The following RIMS1 variants were observed in gnomAD, a reference collection of about 807,000 sequenced individuals.
The protein encoded by RIMS1 is regulating synaptic membrane exocytosis protein 1.
Under a neutral mutation model 214.1 loss-of-function variants are expected in RIMS1, and 83 were observed. The observed-to-expected ratio is 0.39, with a 90% CI of 0.32 to 0.47. The LOEUF (loss-of-function observed/expected upper bound fraction) is 0.47, where lower values mean the gene tolerates loss of function less well. Among genes scored for constraint, RIMS1 ranks in the 20% least tolerant of loss-of-function variants. The pLI is 0.99. For synonymous variants in RIMS1, 793 were observed against 786.8 expected, an observed-to-expected ratio of 1.01 and a Z score of -0.13; for missense variants, 2,050 against 2,161.8, an observed-to-expected ratio of 0.95 and a Z score of 1.03.
chr6:71,932,090 A>G (rs1244283487), intron 1 of RIMS1, among the ~76,000 whole-genome samples: 1 of 152,118 alleles, frequency 6.6e-6, no homozygotes, highest in African/African-American at 2.4e-5. Flanking sequence ...AGACCTAAAG[A>G]CAGAAATACC....
At chr6:72,340,481 C>G (rs904203716) in intron 29 of RIMS1, among the ~76,000 whole-genome samples, 7 of 152,070 alleles carry the variant, frequency 4.6e-5, no homozygotes, top group Non-Finnish European at 7.4e-5. Context: ...AGGAAGGGAT[C>G]CAGTTTCAGC....
intron 2 of RIMS1, among the ~76,000 whole-genome samples, chr6:71,992,610 C>CCTT (rs34650202): frequency 6.8e-5 from 10 of 146,526 alleles, no homozygotes; most frequent in Admixed American, 1.4e-4. Context: ...TTCTCCTTCT[C>CCTT]CTTCTTCTTC....
chr6:71,995,751 G>T (rs755076999), intron 2 of RIMS1, among the ~76,000 whole-genome samples: 1 of 151,970 alleles, frequency 6.6e-6, no homozygotes, highest in Non-Finnish European at 1.5e-5. Flanking sequence ...CTTACTGCAC[G>T]CAAAAGAAGA....
intron 18 of RIMS1, among the ~76,000 whole-genome samples, chr6:72,260,223 T>G: frequency 6.6e-6 from 1 of 152,140 alleles, no homozygotes; most frequent in African/African-American, 2.4e-5. Context: ...AAAATTCTAA[T>G]CAATTATATT....
chr6:71,952,170 G>A (rs1789804347), intron 1 of RIMS1, among the ~76,000 whole-genome samples: 1 of 152,004 alleles, frequency 6.6e-6, no homozygotes, highest in South Asian at 2.1e-4. Flanking sequence ...GGAACCCTAG[G>A]AAAAGCCTTG....
At chr6:71,942,852 T>G (rs1360181222) in intron 1 of RIMS1, among the ~76,000 whole-genome samples, 1 of 152,104 alleles carries the variant, frequency 6.6e-6, no homozygotes, top group African/African-American at 2.4e-5. Context: ...GCACTAATTT[T>G]GAGCACTACT....
intron 1 of RIMS1, among the ~76,000 whole-genome samples, chr6:71,893,097 G>A (rs1770460849): frequency 6.6e-6 from 1 of 152,098 alleles, no homozygotes; most frequent in African/African-American, 2.4e-5. Context: ...ATGCTTATTT[G>A]TTAAAACTGT....
intron 4 of RIMS1, among the ~76,000 whole-genome samples, chr6:72,115,809 A>G (rs2036960306): frequency 6.6e-6 from 1 of 151,658 alleles, no homozygotes; most frequent in Non-Finnish European, 1.5e-5. Flanking sequence ...TTTATTTCTT[A>G]TATTAAGATG....
intron 27 of RIMS1, among the ~76,000 whole-genome samples, chr6:72,309,510 A>G (rs1317089821): frequency 6.6e-6 from 1 of 152,098 alleles, no homozygotes; most frequent in Non-Finnish European, 1.5e-5. Flanking sequence ...ATTGAAATGA[A>G]CACATTACTC....
At chr6:72,369,031 T>TG (rs1417062063) in intron 29 of RIMS1, among the ~76,000 whole-genome samples, 1 of 149,858 alleles carries the variant, frequency 6.7e-6, no homozygotes, top group Non-Finnish European at 1.5e-5. Context: ...AGAGGGTTGC[T>TG]GTCAGGGAGT....
chr6:72,166,887 G>A (rs1218297578), intron 4 of RIMS1, among the ~76,000 whole-genome samples: 2 of 151,950 alleles, frequency 1.3e-5, no homozygotes, highest in African/African-American at 4.8e-5. Flanking sequence ...CTGCAAACAT[G>A]GATTTACTTT....
chr6:72,029,714 G>A (rs1210798524), intron 2 of RIMS1, among the ~76,000 whole-genome samples: 2 of 152,164 alleles, frequency 1.3e-5, no homozygotes, highest in South Asian at 2.1e-4. Context: ...GAAGGTGGGA[G>A]ATGGAGGAAT....
chr6:71,949,466 G>A (rs1221670240), intron 1 of RIMS1, among the ~76,000 whole-genome samples: 1 of 152,098 alleles, frequency 6.6e-6, no homozygotes, highest in Non-Finnish European at 1.5e-5. Context: ...CTATGACTGA[G>A]GCTATAGACC....
At chr6:71,985,643 A>G (rs1051280507) in intron 2 of RIMS1, among the ~76,000 whole-genome samples, 3 of 152,188 alleles carry the variant, frequency 2.0e-5, no homozygotes, top group Non-Finnish European at 2.9e-5. Flanking sequence ...GACAAACCCT[A>G]TAATTCAGTA....
At chr6:72,096,118 G>A (rs191249320) in intron 2 of RIMS1, among the ~76,000 whole-genome samples, 3 of 152,296 alleles carry the variant, frequency 2.0e-5, no homozygotes, top group East Asian at 1.9e-4. Context: ...CATTCTAATG[G>A]GAGGTTTCCC....
intron 4 of RIMS1, among the ~76,000 whole-genome samples, chr6:72,111,825 G>A (rs1017677681): frequency 6.6e-6 from 1 of 152,110 alleles, no homozygotes; most frequent in African/African-American, 2.4e-5. Flanking sequence ...AGCGTCCTCA[G>A]TAGTGTTCAG....
intron 29 of RIMS1, among the ~76,000 whole-genome samples, chr6:72,379,987 T>G (rs748172826): frequency 6.6e-6 from 1 of 152,140 alleles, no homozygotes; most frequent in Non-Finnish European, 1.5e-5. Flanking sequence ...AGCAAAGACT[T>G]GGAACCAACC....
intron 2 of RIMS1, among the ~76,000 whole-genome samples, chr6:72,056,054 C>T (rs1826074643): frequency 6.8e-6 from 1 of 147,758 alleles, no homozygotes; most frequent in Non-Finnish European, 1.5e-5. Context: ...AAATGTGGTA[C>T]ATATGCACCA....
intron 4 of RIMS1, among the ~76,000 whole-genome samples, chr6:72,110,001 C>A (rs1417047232): frequency 6.6e-6 from 1 of 152,062 alleles, no homozygotes; most frequent in Non-Finnish European, 1.5e-5. Context: ...TGTCAAAGAT[C>A]AGATAGTTTT....
Sources: gnomAD v4.1 joint callset for allele counts (sites outside exome capture counted in the v4.1 genomes callset) on GRCh38, gnomAD v4.1.1 for gene constraint, MANE v1.5 for transcripts, NCBI Gene and HGNC (gene_info 2026-07-23, HGNC 2026-07-21) for gene names.